The following CCSER1 variants were observed in gnomAD, a reference collection of about 807,000 sequenced individuals.
CCSER1 encodes the protein serine-rich coiled-coil domain-containing protein 1.
A neutral mutation model predicts 82.0 loss-of-function variants in CCSER1; 41 were observed. That is an observed-to-expected ratio of 0.50 (90% CI 0.39 to 0.65). CCSER1 has a LOEUF of 0.65. Ranked by LOEUF, CCSER1 falls within the 30% of genes least tolerant of loss-of-function variation. CCSER1 has a pLI of 0.00. For synonymous variants in CCSER1, 414 were observed against 383.9 expected (o/e 1.08, Z -0.92); for missense variants, 1,119 against 1,064.2 (o/e 1.05, Z -0.72).
intron 1 of CCSER1, among the ~76,000 whole-genome samples, chr4:90,305,444 G>A (rs768561013): frequency 2.0e-5 from 3 of 152,116 alleles, no homozygotes; most frequent in Admixed American, 6.5e-5. Context: ...TTGTATATAA[G>A]TGAAAAATAT....
At chr4:90,230,352 A>C (rs995011726) in intron 1 of CCSER1, among the ~76,000 whole-genome samples, 1 of 152,206 alleles carries the variant, frequency 6.6e-6, no homozygotes, top group African/African-American at 2.4e-5. Context: ...GAAACTGAAC[A>C]ACCTGCTCCT....
At chr4:91,016,512 A>G (rs1739444915) in intron 9 of CCSER1, among the ~76,000 whole-genome samples, 1 of 152,032 alleles carries the variant, frequency 6.6e-6, no homozygotes, top group African/African-American at 2.4e-5. Flanking sequence ...CTTTGCCACA[A>G]TTATGACTGT....
intron 10 of CCSER1, among the ~76,000 whole-genome samples, chr4:91,400,419 T>A (rs983282253): frequency 6.6e-6 from 1 of 151,434 alleles, no homozygotes; most frequent in East Asian, 1.9e-4. Context: ...AATAAAATTA[T>A]GTAATAGACT....
chr4:90,898,425 C>CT (rs758482201), intron 8 of CCSER1, among the ~76,000 whole-genome samples: 3 of 150,542 alleles, frequency 2.0e-5, no homozygotes, highest in Admixed American at 6.6e-5. Context: ...TTGCAGGTGC[C>CT]TGACACCATG....
At chr4:91,455,423 T>C (rs1358367365) in intron 10 of CCSER1, among the ~76,000 whole-genome samples, 1 of 151,916 alleles carries the variant, frequency 6.6e-6, no homozygotes, top group Admixed American at 6.6e-5. Context: ...AGGAATAGGA[T>C]TGAGATTAGT....
intron 8 of CCSER1, among the ~76,000 whole-genome samples, chr4:90,864,392 T>C (rs1765482053): frequency 6.6e-6 from 1 of 152,018 alleles, no homozygotes; most frequent in South Asian, 2.1e-4. Context: ...GGTTAGGTCA[T>C]GAGGGCTCTG....
intron 10 of CCSER1, among the ~76,000 whole-genome samples, chr4:91,556,615 CTGG>C (rs1762418929): frequency 6.6e-6 from 1 of 150,824 alleles, no homozygotes; most frequent in African/African-American, 2.4e-5. Context: ...TTAATAATTA[CTGG>C]ATGAAATATG....
At chr4:91,495,718 A>G (rs1758767641) in intron 10 of CCSER1, among the ~76,000 whole-genome samples, 2 of 151,564 alleles carry the variant, frequency 1.3e-5, no homozygotes, top group South Asian at 2.1e-4. Flanking sequence ...TTGTGTCAGG[A>G]TGAACGAAAT....
intron 10 of CCSER1, among the ~76,000 whole-genome samples, chr4:91,170,463 T>A (rs1732635756): frequency 6.6e-6 from 1 of 152,128 alleles, no homozygotes; most frequent in African/African-American, 2.4e-5. Context: ...TATTTGTTAC[T>A]AAAATGAGAA....
chr4:91,399,251 C>T (rs1021199615), intron 10 of CCSER1, among the ~76,000 whole-genome samples: 2 of 151,758 alleles, frequency 1.3e-5, no homozygotes, highest in Admixed American at 6.6e-5. Flanking sequence ...ATGCTGGATA[C>T]TTATAAATTC....
At chr4:91,190,135 C>G (rs1734879958) in intron 10 of CCSER1, among the ~76,000 whole-genome samples, 1 of 152,180 alleles carries the variant, frequency 6.6e-6, no homozygotes, top group African/African-American at 2.4e-5. Context: ...CTCTTCCTGC[C>G]CATTGGTTCA....
chr4:90,351,016 G>A (rs918652223), intron 3 of CCSER1, among the ~76,000 whole-genome samples: 1 of 151,934 alleles, frequency 6.6e-6, no homozygotes, highest in African/African-American at 2.4e-5. Flanking sequence ...ATAAGAAAAT[G>A]AACAAATAAG....
intron 1 of CCSER1, among the ~76,000 whole-genome samples, chr4:90,138,267 A>G (rs546739032): frequency 6.0e-4 from 92 of 152,238 alleles, no homozygotes; most frequent in Middle Eastern, 6.8e-3. Flanking sequence ...TCATATCTCA[A>G]TACAGCCTCA....
chr4:90,665,024 A>G (rs1731468922), intron 6 of CCSER1, among the ~76,000 whole-genome samples: 2 of 152,228 alleles, frequency 1.3e-5, no homozygotes, highest in South Asian at 4.1e-4. Flanking sequence ...TAAACATTTA[A>G]TCCTGAAAAA....
In CCSER1 at chr4:90,514,982, T is replaced by G. The variant is rs1772064042; in HGVS notation, c.1724+46628T>G. On this transcript the variant is annotated intron_variant, in intron 5 of 10. Coordinates refer to ENST00000509176, the MANE Select transcript of CCSER1 (RefSeq NM_001145065.2). ...AAGCGATTTTCCTGCTTCAGCCTCC[T>G]GAGTAGCTGGGACTACAGGCATGTG... is the stretch of plus-strand genomic sequence containing the variant. Among the ~76,000 whole-genome samples, 3 of 151,938 alleles carry G rather than the reference T, an allele frequency of 2.0e-5. No homozygotes were observed. In the South Asian group the frequency reaches 6.2e-4, roughly 32 times the overall value.
chr4:90,944,087 A>T (rs976443222), intron 9 of CCSER1, among the ~76,000 whole-genome samples: 1 of 151,544 alleles, frequency 6.6e-6, no homozygotes, highest in African/African-American at 2.4e-5. Context: ...ACAAAACATG[A>T]GCTGGGCGAG....
chr4:90,601,643 T>G (rs1474007548), intron 5 of CCSER1, among the ~76,000 whole-genome samples: 1 of 149,490 alleles, frequency 6.7e-6, no homozygotes, highest in Admixed American at 6.7e-5. Context: ...CTGGATGGCT[T>G]TTTTTTTTTT....
intron 7 of CCSER1, among the ~76,000 whole-genome samples, chr4:90,814,288 C>T (rs760930627): frequency 3.3e-5 from 5 of 152,170 alleles, no homozygotes; most frequent in Non-Finnish European, 5.9e-5. Context: ...AGCCTCCTGG[C>T]CTGTAATGGG....
chr4:91,256,806 A>G (rs1259944239), intron 10 of CCSER1, among the ~76,000 whole-genome samples: 1 of 152,220 alleles, frequency 6.6e-6, no homozygotes, highest in Non-Finnish European at 1.5e-5. Context: ...GTTAAGTAAC[A>G]TTATAATGAA....
Sources: gnomAD v4.1 joint callset for allele counts (sites outside exome capture counted in the v4.1 genomes callset) on GRCh38, gnomAD v4.1.1 for gene constraint, MANE v1.5 for transcripts, NCBI Gene and HGNC (gene_info 2026-07-23, HGNC 2026-07-21) for gene names.